The following CDH12 variants were observed in gnomAD, a reference collection of about 807,000 sequenced individuals.
CDH12 encodes cadherin-12.
CDH12 carries 41 observed loss-of-function variants against 74.1 expected under a neutral mutation model. That is an observed-to-expected ratio of 0.55 (90% CI 0.43 to 0.72). The LOEUF (loss-of-function observed/expected upper bound fraction) is 0.72. CDH12 is among the 30% of genes least tolerant of loss of function. CDH12 has a pLI of 0.00. For synonymous variants in CDH12, 399 were observed against 355.0 expected (o/e 1.12, Z -1.39); for missense variants, 945 against 977.2 (o/e 0.97, Z 0.44).
intron 1 of CDH12, among the ~76,000 whole-genome samples, chr5:22,671,136 A>G (rs1425840641): frequency 6.6e-6 from 1 of 152,248 alleles, no homozygotes; most frequent in Admixed American, 6.5e-5. Context: ...ATAAGTGCAT[A>G]TATTTAATGT....
At chr5:21,817,758 T>C (rs1748141928) in intron 8 of CDH12, among the ~76,000 whole-genome samples, 1 of 151,990 alleles carries the variant, frequency 6.6e-6, no homozygotes, top group African/African-American at 2.4e-5. Context: ...CCTTTCTATA[T>C]ACTTTTACTG....
chr5:22,447,616 T>G (rs1744866520), intron 2 of CDH12, among the ~76,000 whole-genome samples: 1 of 152,076 alleles, frequency 6.6e-6, no homozygotes, highest in South Asian at 2.1e-4. Flanking sequence ...GATATGCAAT[T>G]GATCTTAAAC....
At chr5:22,494,406 G>A (rs1030479613) in intron 2 of CDH12, among the ~76,000 whole-genome samples, 5 of 152,190 alleles carry the variant, frequency 3.3e-5, no homozygotes, top group South Asian at 2.1e-4. Flanking sequence ...CCTGAGCTGC[G>A]GGCAGGCTCC....
intron 6 of CDH12, among the ~76,000 whole-genome samples, chr5:21,855,559 T>A (rs1750710320): frequency 1.0e-5 from 1 of 96,954 alleles, no homozygotes; most frequent in Non-Finnish European, 2.8e-5. Flanking sequence ...TTCAAGTTAC[T>A]ATTCTGAGTT....
At chr5:22,054,810 T>A (rs2150198030) in intron 5 of CDH12, among the ~76,000 whole-genome samples, 1 of 152,178 alleles carries the variant, frequency 6.6e-6, no homozygotes, top group East Asian at 1.9e-4. Context: ...GGGAAAATCG[T>A]ATGTTAAAGC....
intron 5 of CDH12, among the ~76,000 whole-genome samples, chr5:22,065,190 A>G (rs1002610083): frequency 6.6e-6 from 1 of 152,146 alleles, no homozygotes; most frequent in Non-Finnish European, 1.5e-5. Flanking sequence ...TTGTGTAACT[A>G]GACCCAAGTC....
intron 12 of CDH12, among the ~76,000 whole-genome samples, chr5:21,763,495 G>A (rs1439134503): frequency 6.6e-6 from 1 of 152,016 alleles, no homozygotes; most frequent in Non-Finnish European, 1.5e-5. Context: ...CAAAAATACT[G>A]TTTTAAATAT....
Position 21,757,740 on chromosome 5 carries a change from G to T in CDH12, c.1634-1898C>A, listed in dbSNP as rs79559596. Among the ~76,000 whole-genome samples the T allele has an allele frequency of 5.3e-3, 805 of 152,064 alleles. 13 individuals carry two copies. The highest frequency in any genetic ancestry group is 0.019 in the African/African-American group (770 of 41,474). ...GAAATAGCTCTTTCAGCAAAGATACGTTGTGGAAAATAGTCAACACTTGGG... is the reference window on the plus strand; with the variant it reads ...GAAATAGCTCTTTCAGCAAAGATACTTTGTGGAAAATAGTCAACACTTGGG... On this transcript the variant is annotated intron_variant, in intron 13 of 14. Coordinates refer to ENST00000382254, the MANE Select transcript of CDH12 (RefSeq NM_004061.5).
intron 6 of CDH12, among the ~76,000 whole-genome samples, chr5:21,945,531 T>C (rs1017878643): frequency 6.6e-6 from 1 of 150,938 alleles, no homozygotes; most frequent in Non-Finnish European, 1.5e-5. Context: ...TTATATATTG[T>C]ATTCTCTTGG....
chr5:21,898,287 T>C (rs1297962315), intron 6 of CDH12, among the ~76,000 whole-genome samples: 1 of 152,116 alleles, frequency 6.6e-6, no homozygotes, highest in Admixed American at 6.5e-5. Flanking sequence ...AGTGGTGTGA[T>C]CTCATATGTC....
chr5:21,986,115 G>C (rs1179826009), intron 5 of CDH12, among the ~76,000 whole-genome samples: 6 of 151,984 alleles, frequency 3.9e-5, no homozygotes, highest in Non-Finnish European at 7.4e-5. Context: ...TTATCATCTG[G>C]AAATATTTCA....
At chr5:22,258,981 T>A (rs969189156) in intron 3 of CDH12, among the ~76,000 whole-genome samples, 1 of 152,202 alleles carries the variant, frequency 6.6e-6, no homozygotes, top group Non-Finnish European at 1.5e-5. Context: ...GATAAACACA[T>A]CACAGATCTA....
intron 3 of CDH12, among the ~76,000 whole-genome samples, chr5:22,347,258 G>C (rs1445758692): frequency 6.6e-6 from 1 of 152,150 alleles, no homozygotes; most frequent in Non-Finnish European, 1.5e-5. Flanking sequence ...TCCTCAATCT[G>C]GATGGGCACC....
rs72744895 is a variant in CDH12, at chr5:22,498,627, A to C, written c.-428+6643T>G. Among the ~76,000 whole-genome samples the C allele has an allele frequency of 4.9e-3, 740 of 152,050 alleles. 2 individuals carry two copies. The highest frequency in any genetic ancestry group is 8.8e-3 in the Non-Finnish European group (597 of 67,970). On this transcript the variant is annotated intron_variant, in intron 2 of 14. Coordinates refer to ENST00000382254, the MANE Select transcript of CDH12 (RefSeq NM_004061.5). ...ACATATTTGAAATACAAAAGCATTT[A>C]AGAATGCCAAAAATATACATATGAT...
intron 3 of CDH12, among the ~76,000 whole-genome samples, chr5:22,296,874 C>G (rs1199308943): frequency 6.6e-6 from 1 of 151,972 alleles, no homozygotes; most frequent in Admixed American, 6.6e-5. Context: ...TGTATAGCAC[C>G]ATTAAAGCAT....
chr5:22,058,206 G>C (rs1740887103), intron 5 of CDH12, among the ~76,000 whole-genome samples: 1 of 151,924 alleles, frequency 6.6e-6, no homozygotes, highest in South Asian at 2.1e-4. Flanking sequence ...ACAGGCACAC[G>C]CCTCCATGCC....
chr5:22,830,257 T>G (rs1736535773), intron 1 of CDH12, among the ~76,000 whole-genome samples: 1 of 152,166 alleles, frequency 6.6e-6, no homozygotes. Flanking sequence ...TAAGAAAAGT[T>G]TTGTTTAATG....
chr5:22,237,842 T>C (rs1468289663), intron 3 of CDH12, among the ~76,000 whole-genome samples: 2 of 152,180 alleles, frequency 1.3e-5, no homozygotes, highest in African/African-American at 2.4e-5. Context: ...TTAATATACA[T>C]ACATTTTTTA....
intron 6 of CDH12, among the ~76,000 whole-genome samples, chr5:21,869,485 T>A (rs914242595): frequency 6.6e-6 from 1 of 152,206 alleles, no homozygotes; most frequent in Non-Finnish European, 1.5e-5. Flanking sequence ...CTATATTTTT[T>A]AGAATATGTT....
Sources: gnomAD v4.1 joint callset for allele counts (sites outside exome capture counted in the v4.1 genomes callset) on GRCh38, gnomAD v4.1.1 for gene constraint, MANE v1.5 for transcripts, NCBI Gene and HGNC (gene_info 2026-07-23, HGNC 2026-07-21) for gene names.